The following INPP4B variants were observed in gnomAD, a reference collection of about 807,000 sequenced individuals.
INPP4B encodes the protein inositol polyphosphate 4-phosphatase type II.
In INPP4B, 55 loss-of-function variants were observed where a neutral mutation model predicts 122.5. That is an observed-to-expected ratio of 0.45 (90% CI 0.36 to 0.56). The LOEUF (loss-of-function observed/expected upper bound fraction) is 0.56, where lower values mean the gene tolerates loss of function less well. INPP4B is among the 20% of genes least tolerant of loss of function. INPP4B has a pLI of 0.00. For missense variants in INPP4B, 1,000 were observed against 1,097.7 expected (o/e 0.91, Z 1.26); for synonymous variants, 403 against 388.7 (o/e 1.04, Z -0.43).
At chr4:142,725,077 G>A (rs1416627490) in intron 2 of INPP4B, among the ~76,000 whole-genome samples, 4 of 151,970 alleles carry the variant, frequency 2.6e-5, no homozygotes, top group Non-Finnish European at 5.9e-5. Flanking sequence ...AAACTTTTCT[G>A]CAAAAATCTC....
intron 2 of INPP4B, among the ~76,000 whole-genome samples, chr4:142,712,467 G>A (rs1763235321): frequency 6.6e-6 from 1 of 152,136 alleles, no homozygotes; most frequent in South Asian, 2.1e-4. Flanking sequence ...GCTGCCATTG[G>A]GTCCTTCCTT....
At chr4:142,760,408 G>A (rs1267565199) in intron 1 of INPP4B, among the ~76,000 whole-genome samples, 1 of 152,034 alleles carries the variant, frequency 6.6e-6, no homozygotes, top group African/African-American at 2.4e-5. Context: ...ATAAATTATC[G>A]TAAAAGGTTA....
intron 2 of INPP4B, among the ~76,000 whole-genome samples, chr4:142,659,736 T>G (rs1317772245): frequency 6.6e-6 from 1 of 152,148 alleles, no homozygotes; most frequent in Non-Finnish European, 1.5e-5. Flanking sequence ...CCAAGCACCA[T>G]GCACCCAAAT....
At position 142,259,067 on chromosome 4, in the gene INPP4B, A is replaced by T. The variant is rs1168158238; in HGVS notation, c.688+1425T>A. ...ATGTCCTTTGTAGGGACATGCATGA[A>T]ATTGGAAATCATCATTCTCAGTAAA... On this transcript the variant is annotated intron_variant, in intron 11 of 25. Coordinates refer to ENST00000262992, the MANE Select transcript of INPP4B (RefSeq NM_001101669.3). 2.6e-5 allele frequency among the ~76,000 whole-genome samples: 4 copies of T among 152,016 alleles called. No individual in the cohort carries two copies. In the East Asian group the frequency reaches 7.7e-4, roughly 29 times the overall value.
chr4:142,512,227 A>G lies in INPP4B; in HGVS notation c.-190-49501T>C, dbSNP rs182653569. Among the ~76,000 whole-genome samples the G allele has an allele frequency of 2.5e-3, 387 of 152,322 alleles. 2 individuals are homozygous for G. Among genetic ancestry groups the G allele is most frequent in the African/African-American group, 9.2e-3 (382 of 41,572 alleles). On this transcript the variant is annotated intron_variant, in intron 2 of 25. Transcript: ENST00000262992. ...TGACCAGTTTATTACTCATTAAAAA[A>G]TAGCTAAGTACCTTTTAGGTATACA...
At position 142,026,942 on chromosome 4, in the gene INPP4B, T is replaced by C. The variant is rs927914193; in HGVS notation, c.*1840A>G. 1.5e-5 allele frequency: 2 copies of C among 137,734 alleles called. No homozygotes were observed. Among genetic ancestry groups the C allele is most frequent in the African/African-American group, 5.5e-5 (2 of 36,256 alleles). 8.5% of individuals were successfully genotyped at this position (137,734 alleles called of 1,614,324 possible). On this transcript the variant is annotated 3_prime_UTR_variant, in exon 26 of 26. Transcript: ENST00000262992. ...GATATGCTGAATGAGGCTTCATAGC[T>C]ATTCAAGGAGGCCTCTGTCATCCCA...
At chr4:142,102,548 G>A (rs535481903) in intron 23 of INPP4B, among the ~76,000 whole-genome samples, 7 of 150,710 alleles carry the variant, frequency 4.6e-5, no homozygotes, top group Non-Finnish European at 1.0e-4. Context: ...TATCAGCAGA[G>A]GTCTGAAGAC....
chr4:142,158,796 G>T (rs892899466), intron 17 of INPP4B, among the ~76,000 whole-genome samples: 4 of 150,844 alleles, frequency 2.7e-5, no homozygotes, highest in African/African-American at 9.7e-5. Context: ...GGAAGAGGGG[G>T]TCAAGGTGAG....
intron 2 of INPP4B, among the ~76,000 whole-genome samples, chr4:142,563,769 C>T (rs991226021): frequency 2.0e-5 from 3 of 152,170 alleles, no homozygotes; most frequent in Non-Finnish European, 4.4e-5. Context: ...TTCTCCCTCT[C>T]TCTCTTTCTG....
At chr4:142,411,257 C>T (rs879039051) in intron 5 of INPP4B, among the ~76,000 whole-genome samples, 127 of 152,194 alleles carry the variant, frequency 8.3e-4, no homozygotes, top group African/African-American at 3.0e-3. Flanking sequence ...GGTTCCATTA[C>T]TCAGTGGATG....
chr4:142,616,553 T>C (rs1243794879), intron 2 of INPP4B, among the ~76,000 whole-genome samples: 1 of 152,176 alleles, frequency 6.6e-6, no homozygotes, highest in Non-Finnish European at 1.5e-5. Flanking sequence ...CCCCAACACT[T>C]CTAAATTTTA....
chr4:142,295,442 T>C (rs1366156788), intron 9 of INPP4B, among the ~76,000 whole-genome samples: 6 of 152,152 alleles, frequency 3.9e-5, no homozygotes, highest in Non-Finnish European at 7.3e-5. Flanking sequence ...TATGGATGTG[T>C]GTGTTACAGA....
At chr4:142,510,637 C>A (rs921343488) in intron 2 of INPP4B, among the ~76,000 whole-genome samples, 1 of 152,120 alleles carries the variant, frequency 6.6e-6, no homozygotes, top group African/African-American at 2.4e-5. Flanking sequence ...ATTTTCATCA[C>A]CTACGTATTG....
intron 6 of INPP4B, among the ~76,000 whole-genome samples, chr4:142,404,014 A>G (rs1375572353): frequency 1.3e-5 from 2 of 151,692 alleles, no homozygotes; most frequent in East Asian, 1.9e-4. Context: ...AAATGAGTGA[A>G]TAAGTAAATT....
chr4:142,295,941 A>G (rs1468165647), intron 9 of INPP4B, among the ~76,000 whole-genome samples: 1 of 152,192 alleles, frequency 6.6e-6, no homozygotes, highest in South Asian at 2.1e-4. Flanking sequence ...GGCAAATCCA[A>G]TACAAAATTT....
At chr4:142,220,505 A>T (rs112351700) in intron 12 of INPP4B, among the ~76,000 whole-genome samples, 4,447 of 152,322 alleles carry the variant, frequency 0.029, 204 homozygotes, top group African/African-American at 0.1. Context: ...CATTCATAAC[A>T]ATTCATTGAA....
chr4:142,551,750 A>G (rs573811055), intron 2 of INPP4B, among the ~76,000 whole-genome samples: 1 of 152,358 alleles, frequency 6.6e-6, no homozygotes, highest in South Asian at 2.1e-4. Flanking sequence ...AGAAGCTCAG[A>G]GTGACATATG....
intron 12 of INPP4B, among the ~76,000 whole-genome samples, chr4:142,215,390 G>C (rs1439554996): frequency 1.3e-5 from 2 of 152,144 alleles, no homozygotes; most frequent in Non-Finnish European, 2.9e-5. Context: ...CTGGGCAGTT[G>C]ATTTACAGAA....
At chr4:142,103,458 C>T (rs1785450043) in intron 23 of INPP4B, among the ~76,000 whole-genome samples, 1 of 151,622 alleles carries the variant, frequency 6.6e-6, no homozygotes. Context: ...TTTTATTTTT[C>T]CTGGCGCAAA....
Sources: gnomAD v4.1 joint callset for allele counts (sites outside exome capture counted in the v4.1 genomes callset) on GRCh38, gnomAD v4.1.1 for gene constraint, MANE v1.5 for transcripts, NCBI Gene and HGNC (gene_info 2026-07-23, HGNC 2026-07-21) for gene names.